The following ANO7 variants were observed in gnomAD, a reference collection of about 807,000 sequenced individuals.
The protein encoded by ANO7 is anoctamin-7.
Under a neutral mutation model 115.8 loss-of-function variants are expected in ANO7, and 114 were observed. The ratio of observed to expected loss-of-function variants is 0.98; its 90% confidence interval spans 0.85 to 1.15. The LOEUF is 1.15. Among genes scored for constraint, ANO7 ranks in the 50% most tolerant of loss-of-function variants. The pLI is 0.00. For synonymous variants in ANO7, 550 were observed against 498.2 expected (o/e 1.10, Z -1.38); for missense variants, 1,302 against 1,201.2 (o/e 1.08, Z -1.24).
intron 4 of ANO7, 69 bp downstream of exon 4, chr2:241,195,914 A>G: frequency 6.2e-7 from 1 of 1,613,666 alleles, no homozygotes; most frequent in Non-Finnish European, 8.5e-7. Flanking sequence ...ACCTTGCCGC[A>G]TGAGGCCTGA....
At chr2:241,207,739 T>C in intron 11 of ANO7, 69 bp downstream of exon 11, 1 of 1,421,878 alleles carries the variant, frequency 7.0e-7, no homozygotes, top group Non-Finnish European at 9.9e-7. Flanking sequence ...CCCCTTGTCC[T>C]GGTCCTGACT....
At chr2:241,223,490 A>T in intron 22 of ANO7, 172 bp from the exon 23 acceptor site, 1 of 1,133,986 alleles carries the variant, frequency 8.8e-7, no homozygotes, top group South Asian at 1.5e-5. Context: ...CAGGAGCCCC[A>T]GGGCCACGAA....
In ANO7 at chr2:241,212,108, C is replaced by G. The variant is rs1453580762; in HGVS notation, c.1576C>G (p.Gln526Glu). 6.2e-7 allele frequency: 1 copy of G among 1,613,960 alleles called. No individual in the cohort carries two copies. The highest frequency in any genetic ancestry group is 1.3e-5 in the African/African-American group (1 of 74,936). The change falls in exon 16 of 25, where the codon CAG (glutamine) becomes GAG (glutamate). Residue 526 changes from glutamine to glutamate, a missense_variant. Transcript: ENST00000674324. ...VLTRWEMHRTQTKFEDAFTLK... is the reference protein window; with the variant it reads ...VLTRWEMHRTETKFEDAFTLK... ...CCATGCCACAGAAATGCACCGCACC[C>G]AGACCAAGTTCGAGGACGCCTTCAC...
intron 5 of ANO7, among the ~76,000 whole-genome samples, 157 bp downstream of exon 5, chr2:241,199,580 T>C (rs111649958): frequency 5.3e-5 from 8 of 152,274 alleles, no homozygotes; most frequent in African/African-American, 1.9e-4. Context: ...GAAACCTCAC[T>C]GGGCAAACAG....
At chr2:241,209,194 G>T (rs937411357) in intron 11 of ANO7, 91 bp from the exon 12 acceptor site, 15 of 1,372,786 alleles carry the variant, frequency 1.1e-5, no homozygotes, top group Non-Finnish European at 1.4e-5. Flanking sequence ...TGTGTGGGAT[G>T]CACACTCCCA....
rs1353382237 is a variant in ANO7 at position 241,216,155 on chromosome 2, CT to C, written c.1890del (p.Ala631GlnfsTer199). The C allele has an allele frequency of 1.9e-6, 3 of 1,613,240 alleles. No homozygotes were observed. In the Admixed American group the frequency reaches 5.0e-5, roughly 27 times the overall value. On this transcript the variant is annotated frameshift_variant, in exon 19 of 25. Transcript: ENST00000674324. LOFTEE classifies it high-confidence loss of function. ...LRSKKRKAGA[S>X]AGASQGPWED... is the part of the protein sequence containing the mutation. ...TCCAAGAAGAGGAAGGCGGGAGCTT[CT>C]GCAGGGGCTAGCCAGGGGCCCTGGG...
chr2:241,229,263 A>C (rs1207830968), downstream of ANO7: 3 of 280,264 alleles, frequency 1.1e-5, no homozygotes, highest in Admixed American at 5.0e-5. Context: ...ATGACACAGG[A>C]AGTGGAATCC....
At chr2:241,198,466 C>G (rs1391894804) in intron 4 of ANO7, among the ~76,000 whole-genome samples, 1 of 152,210 alleles carries the variant, frequency 6.6e-6, no homozygotes, top group East Asian at 1.9e-4. Context: ...GCAGGTTTGC[C>G]CTTTAGTTGA....
the ANO7 span, among the ~76,000 whole-genome samples, chr2:241,233,083 G>A: frequency 6.6e-6 from 1 of 152,268 alleles, no homozygotes; most frequent in African/African-American, 2.4e-5. The surrounding 1 kb of genome is among the most constrained non-coding windows in gnomAD (Gnocchi z 4.3). Context: ...GGGGTTTGCT[G>A]TTTCTGGAAA....
chr2:241,238,841 G>A, the ANO7 span: 3 of 1,447,624 alleles, frequency 2.1e-6, no homozygotes, highest in South Asian at 3.0e-5. The surrounding 1 kb of genome is among the most constrained non-coding windows in gnomAD (Gnocchi z 4.9). Context: ...AATTCCTTAG[G>A]GCAAGTTTTA....
chr2:241,231,804 G>A, the ANO7 span, among the ~76,000 whole-genome samples: 1 of 152,106 alleles, frequency 6.6e-6, no homozygotes, highest in Non-Finnish European at 1.5e-5. Context: ...AGAAGGAAAC[G>A]TGGTAACAAA....
At chr2:241,233,741 C>T in the ANO7 span, 3 of 1,545,374 alleles carry the variant, frequency 1.9e-6, no homozygotes, top group Non-Finnish European at 2.7e-6. The surrounding 1 kb of genome is among the most constrained non-coding windows in gnomAD (Gnocchi z 4.3). Context: ...CATCTAGGCA[C>T]ATCTGGTTAC....
At position 241,214,520 on chromosome 2, in the gene ANO7, C is replaced by T. The variant is rs577139884; in HGVS notation, c.1729-285C>T. On this transcript the variant is annotated intron_variant, in intron 17 of 24. Coordinates refer to ENST00000674324, the MANE Select transcript of ANO7 (RefSeq NM_001370694.2). ...TTGAAGCCAGAGGCTACAGTCAGCC[C>T]CATGTAACCCCTTGTGGGTCTCCAA... 1.2e-4 allele frequency among the ~76,000 whole-genome samples: 18 copies of T among 152,314 alleles called. No homozygotes were observed. In the East Asian group the frequency reaches 3.5e-3, roughly 29 times the overall value.
chr2:241,215,710 C>T (rs941838613), intron 18 of ANO7, among the ~76,000 whole-genome samples: 2 of 152,258 alleles, frequency 1.3e-5, no homozygotes, highest in African/African-American at 4.8e-5. Context: ...GAACCCAACA[C>T]GTGGGCCTCC....
chr2:241,219,594 G>C (rs1311745350), intron 21 of ANO7, among the ~76,000 whole-genome samples: 1 of 150,842 alleles, frequency 6.6e-6, no homozygotes, highest in African/African-American at 2.4e-5. Flanking sequence ...TAGAGACTGG[G>C]TCTTGCTCTG....
At chr2:241,195,241 C>T (rs2068295528) in intron 3 of ANO7, among the ~76,000 whole-genome samples, 1 of 152,182 alleles carries the variant, frequency 6.6e-6, no homozygotes, top group Admixed American at 6.5e-5. Flanking sequence ...GCTCACCTCG[C>T]ACGCTCCTCT....
intron 4 of ANO7, among the ~76,000 whole-genome samples, chr2:241,197,108 G>A (rs191829311): frequency 6.6e-6 from 1 of 152,256 alleles, no homozygotes; most frequent in Admixed American, 6.5e-5. Context: ...TTGTTTGTTT[G>A]TTTGTTTTTG....
In ANO7 at chr2:241,212,097, T is replaced by G. The variant is rs1457677957; in HGVS notation, c.1565T>G (p.Met522Arg). The stretch of plus-strand genomic sequence containing the variant: ...GCCCAGGCTCTCCATGCCACAGAAA[T>G]GCACCGCACCCAGACCAAGTTCGAG... ...SLAHVLTRWE[M>R]HRTQTKFEDA... is the part of the protein sequence containing the mutation. Residue 522 changes from methionine (M) to arginine (R), a missense_variant, in exon 16 of 25, where the codon ATG becomes AGG. Physicochemically the swap from Met to Arg is moderately conservative, Grantham distance 91. Coordinates refer to ENST00000674324, the MANE Select transcript of ANO7 (RefSeq NM_001370694.2). 6.2e-7 allele frequency: 1 copy of G among 1,613,768 alleles called. No homozygotes were observed. Among genetic ancestry groups the G allele is most frequent in the African/African-American group, 1.3e-5 (1 of 74,906 alleles).
At chr2:241,237,728 C>T in the ANO7 span, among the ~76,000 whole-genome samples, 1 of 151,870 alleles carries the variant, frequency 6.6e-6, no homozygotes, top group Non-Finnish European at 1.5e-5. Context: ...AGAAAAAAAA[C>T]GTGTGTAAAA....
Sources: gnomAD v4.1 joint callset for allele counts (sites outside exome capture counted in the v4.1 genomes callset) on GRCh38, gnomAD v4.1.1 for gene constraint, Gnocchi (gnomAD v3.1) non-coding constraint, MANE v1.5 for transcripts, NCBI Gene and HGNC (gene_info 2026-07-23, HGNC 2026-07-21) for gene names.